NIPBL: variants seen among roughly 807,000 people sequenced by gnomAD.
NIPBL encodes the protein nipped-B-like protein.
NIPBL carries 19 observed loss-of-function variants against 321.8 expected under a neutral mutation model. The ratio of observed to expected loss-of-function variants is 0.06; its 90% CI spans 0.04 to 0.09. The LOEUF (loss-of-function observed/expected upper bound fraction) is 0.09, where lower values mean the gene tolerates loss of function less well. Among genes scored for constraint, NIPBL ranks in the 10% least tolerant of loss-of-function variants. The probability of loss-of-function intolerance (pLI) is 1.00; values close to 1 mark genes in which losing one functional copy is unlikely to be tolerated. For missense variants in NIPBL, 2,210 were observed against 3,327.0 expected, an observed-to-expected ratio of 0.66 and a Z score of 8.26; for synonymous variants, 1,106 against 1,114.1, an observed-to-expected ratio of 0.99 and a Z score of 0.14.
At chr5:37,014,282 T>C (rs1469163218) in intron 21 of NIPBL, among the ~76,000 whole-genome samples, 1 of 150,472 alleles carries the variant, frequency 6.6e-6, no homozygotes, top group African/African-American at 2.4e-5. Context: ...TCTTTAAATT[T>C]CTGATGAAGG....
At chr5:37,049,408 C>G in intron 40 of NIPBL, 107 bp downstream of exon 40, 2 of 1,217,026 alleles carry the variant, frequency 1.6e-6, no homozygotes, top group Non-Finnish European at 2.4e-6. Context: ...TCTTACTCTT[C>G]TTTGTACTAA....
chr5:37,051,660 T>C (rs1753558830), intron 40 of NIPBL, 119 bp from the exon 41 acceptor site: 2 of 706,124 alleles, frequency 2.8e-6, no homozygotes, highest in Admixed American at 4.7e-5. Context: ...ACATAGACTT[T>C]ATAGGAAGGC....
chr5:37,046,809 G>A (rs771190138), intron 38 of NIPBL, among the ~76,000 whole-genome samples: 2 of 152,076 alleles, frequency 1.3e-5, no homozygotes, highest in Non-Finnish European at 2.9e-5. Context: ...GAAATAGGAG[G>A]TGAATGGCAT....
At position 37,064,936 on chromosome 5, in the gene NIPBL, G is replaced by A. The variant is rs202141454; in HGVS notation, c.*44G>A. ...CAAATTTACAGGAATTTTTTTAAAA[G>A]GCAGAAAAACTTGAAATACCAACAT... On this transcript the variant is annotated 3_prime_UTR_variant, in exon 47 of 47. Coordinates refer to ENST00000282516, the MANE Select transcript of NIPBL (RefSeq NM_133433.4). The A allele has an allele frequency of 2.4e-5, 38 of 1,612,524 alleles. No homozygotes were observed. Among genetic ancestry groups the A allele is most frequent in the Non-Finnish European group, 3.2e-5 (38 of 1,179,440 alleles).
intron 1 of NIPBL, among the ~76,000 whole-genome samples, chr5:36,919,949 TC>T (rs1470659589): frequency 6.6e-6 from 1 of 152,190 alleles, no homozygotes; most frequent in Non-Finnish European, 1.5e-5. Flanking sequence ...TTCTGTTTTA[TC>T]TTTTGATTTC....
At chr5:37,017,608 C>CTT (rs60984195) in intron 24 of NIPBL, among the ~76,000 whole-genome samples, 2 of 132,318 alleles carry the variant, frequency 1.5e-5, no homozygotes, top group African/African-American at 2.8e-5. Flanking sequence ...TGTTTTATTG[C>CTT]TTTTTTTTTT....
At chr5:37,009,223 A>T (rs1194189449) in intron 20 of NIPBL, among the ~76,000 whole-genome samples, 1 of 152,028 alleles carries the variant, frequency 6.6e-6, no homozygotes, top group Admixed American at 6.6e-5. Context: ...ATTTTATAAG[A>T]TTTTTGTGTC....
chr5:36,954,909 C>T (rs1740770850), intron 2 of NIPBL: 1 of 152,990 alleles, frequency 6.5e-6, no homozygotes, highest in Non-Finnish European at 1.5e-5. Context: ...CTTTTGTTTG[C>T]TATTAGAAGA....
At chr5:36,925,865 A>C (rs945814760) in intron 1 of NIPBL, among the ~76,000 whole-genome samples, 2 of 152,162 alleles carry the variant, frequency 1.3e-5, no homozygotes, top group African/African-American at 4.8e-5. Context: ...CTGTCCAACT[A>C]GACCAAGAAC....
chr5:36,898,555 A>C (rs1746955847), intron 1 of NIPBL, among the ~76,000 whole-genome samples: 2 of 139,890 alleles, frequency 1.4e-5, no homozygotes, highest in Admixed American at 7.8e-5. Flanking sequence ...GTCATTGCCC[A>C]GGCTGGAGTG....
intron 10 of NIPBL, among the ~76,000 whole-genome samples, chr5:36,989,384 G>A (rs1745212174): frequency 6.6e-6 from 1 of 152,096 alleles, no homozygotes; most frequent in African/African-American, 2.4e-5. Context: ...TGGGAGGGGT[G>A]GAGGGGGCAG....
rs1326548920 is a variant in NIPBL at position 37,056,208 on chromosome 5, C to G, written c.7264-978C>G. On this transcript the variant is annotated intron_variant, in intron 42 of 46. Transcript: ENST00000282516. ...TTCATCTGTAACGTGGGTGTTGATA[C>G]ATATTGTAAAGTAAAAATAGAGTGA... Among the ~76,000 whole-genome samples, 5 of 152,116 alleles carry G rather than the reference C, an allele frequency of 3.3e-5. No individual in the cohort carries two copies. In the East Asian group the frequency reaches 9.6e-4, roughly 29 times the overall value.
chr5:37,007,301 T>C, intron 17 of NIPBL, 22 bp from the exon 18 acceptor site: 1 of 1,603,600 alleles, frequency 6.2e-7, no homozygotes, highest in Non-Finnish European at 8.5e-7. Context: ...GTTTTCCTTA[T>C]CTTGAATTTG....
At position 37,010,379 on chromosome 5, in the gene NIPBL, G is replaced by A. The variant is rs80358355; in HGVS notation, c.4560+154G>A. ...CACCCAGGCTGGAGTGCAGTGGCGC[G>A]ATCTCGGCTCACTGCAACCTCTGCC... On this transcript the variant is annotated intron_variant, in intron 21 of 46. Transcript: ENST00000282516. Among the ~76,000 whole-genome samples, 635 of 152,156 alleles carry A rather than the reference G, an allele frequency of 4.2e-3. 3 individuals are homozygous for A. The highest frequency in any genetic ancestry group is 6.3e-3 in the Admixed American group (97 of 15,288).
At chr5:37,058,229 T>C (rs1754305160) in intron 43 of NIPBL, among the ~76,000 whole-genome samples, 1 of 152,202 alleles carries the variant, frequency 6.6e-6, no homozygotes, top group Non-Finnish European at 1.5e-5. Flanking sequence ...ACATTTAAGT[T>C]TGAGAAGTTA....
chr5:36,928,144 A>C (rs1749507691), intron 1 of NIPBL, among the ~76,000 whole-genome samples: 1 of 152,212 alleles, frequency 6.6e-6, no homozygotes. Flanking sequence ...CTGTAAAACG[A>C]AGAGATTGGA....
At chr5:37,055,052 A>C (rs567357355) in intron 42 of NIPBL, among the ~76,000 whole-genome samples, 7 of 152,302 alleles carry the variant, frequency 4.6e-5, no homozygotes, top group African/African-American at 1.7e-4. Flanking sequence ...GGGGAGAAAA[A>C]GAATGGATAG....
chr5:36,968,552 CA>C (rs553805636), intron 6 of NIPBL, among the ~76,000 whole-genome samples: 13 of 144,716 alleles, frequency 9.0e-5, no homozygotes, highest in Non-Finnish European at 1.2e-4. Flanking sequence ...GACTCCGTCT[CA>C]AAAAAAAAAG....
rs1243182299 is a variant in NIPBL at position 36,885,911 on chromosome 5, G to T, written c.-80+8733G>T. ...CACCAGCTCTGGGTTGACCGTGAAG[G>T]TAGATGCTCCCAAATCTCAGGACCT... On this transcript the variant is annotated intron_variant, in intron 1 of 46. Coordinates refer to ENST00000282516, the MANE Select transcript of NIPBL (RefSeq NM_133433.4). 3 of 737,200 alleles carry T rather than the reference G, an allele frequency of 4.1e-6. No homozygotes were observed. In the African/African-American group the frequency reaches 5.1e-5, roughly 13 times the overall value. The allele number at this position is 737,200 out of a possible 1,614,324, so 45.7% of individuals were successfully genotyped here.
Sources: allele counts gnomAD v4.1 joint callset (sites outside exome capture counted in the v4.1 genomes callset), GRCh38; gene constraint gnomAD v4.1.1; transcripts MANE v1.5; gene names NCBI Gene and HGNC (gene_info 2026-07-23, HGNC 2026-07-21).